The following CACNA2D2 variants were observed in gnomAD, a reference collection of about 807,000 sequenced individuals.
The protein encoded by CACNA2D2 is calcium voltage-gated channel auxiliary subunit alpha2delta 2, also known as voltage-dependent calcium channel subunit alpha-2/delta-2.
Under a neutral mutation model 166.4 loss-of-function variants are expected in CACNA2D2, and 48 were observed. The observed-to-expected ratio is 0.29, with a 90% CI of 0.23 to 0.37. The LOEUF (loss-of-function observed/expected upper bound fraction) is 0.37. CACNA2D2 is among the 10% of genes least tolerant of loss of function. The pLI is 1.00. For missense variants in CACNA2D2, 1,122 were observed against 1,433.0 expected, an observed-to-expected ratio of 0.78 and a Z score of 3.50; for synonymous variants, 561 against 573.7, an observed-to-expected ratio of 0.98 and a Z score of 0.32.
chr3:50,370,435 G>T, intron 22 of CACNA2D2, 55 bp from the exon 23 acceptor site: 1 of 791,176 alleles, frequency 1.3e-6, no homozygotes, highest in Non-Finnish European at 2.1e-6. Flanking sequence ...GGAGGCCGGG[G>T]GGCTCAGAGC....
At chr3:50,428,122 G>A (rs1358716829) in intron 3 of CACNA2D2, among the ~76,000 whole-genome samples, 2 of 152,092 alleles carry the variant, frequency 1.3e-5, no homozygotes, top group Admixed American at 1.3e-4. Context: ...GGGCAACTTT[G>A]CCCCCAGGCA....
chr3:50,434,809 G>T (rs1708235202), intron 2 of CACNA2D2, among the ~76,000 whole-genome samples: 1 of 152,246 alleles, frequency 6.6e-6, no homozygotes, highest in Non-Finnish European at 1.5e-5. Context: ...GAGGCAGGAG[G>T]TTGAGGCGAG....
intron 1 of CACNA2D2, among the ~76,000 whole-genome samples, chr3:50,497,035 C>G (rs530330575): frequency 6.6e-6 from 1 of 152,298 alleles, no homozygotes; most frequent in African/African-American, 2.4e-5. Flanking sequence ...GCCCCTCCCC[C>G]TCTGCTAAAC....
At chr3:50,495,328 A>G (rs1698679744) in intron 1 of CACNA2D2, among the ~76,000 whole-genome samples, 1 of 152,150 alleles carries the variant, frequency 6.6e-6, no homozygotes, top group South Asian at 2.1e-4. Flanking sequence ...AGCCCCTCAC[A>G]GCCACTTCCC....
At chr3:50,444,475 C>A (rs1404800219) in intron 2 of CACNA2D2, among the ~76,000 whole-genome samples, 1 of 152,230 alleles carries the variant, frequency 6.6e-6, no homozygotes, top group East Asian at 1.9e-4. Context: ...GCCATCCTGG[C>A]ATTCCTTAAA....
At chr3:50,480,143 G>T (rs1003667075) in intron 1 of CACNA2D2, among the ~76,000 whole-genome samples, 1 of 152,080 alleles carries the variant, frequency 6.6e-6, no homozygotes, top group African/African-American at 2.4e-5. Context: ...ATGGGTACAG[G>T]GTCACATACT....
chr3:50,478,612 CATT>C (rs1697904117), intron 1 of CACNA2D2, among the ~76,000 whole-genome samples: 2 of 152,330 alleles, frequency 1.3e-5, no homozygotes, highest in South Asian at 4.1e-4. Context: ...AAGAAGCAAA[CATT>C]ATCATCCCAC....
chr3:50,381,769 G>C (rs1291602740), intron 6 of CACNA2D2, among the ~76,000 whole-genome samples: 1 of 151,986 alleles, frequency 6.6e-6, no homozygotes, highest in Non-Finnish European at 1.5e-5. Flanking sequence ...TGTCTAACCT[G>C]TGTGTTTCCA....
chr3:50,497,142 C>G (rs1194054504), intron 1 of CACNA2D2, among the ~76,000 whole-genome samples: 1 of 152,192 alleles, frequency 6.6e-6, no homozygotes, highest in Non-Finnish European at 1.5e-5. Context: ...CAGGCACCCT[C>G]ACACTGGAAG....
Position 50,365,088 on chromosome 3 carries a change from C to T in CACNA2D2, c.3195G>A (p.Gln1065=), listed in dbSNP as rs1331842843. 3.7e-6 allele frequency: 6 copies of T among 1,611,500 alleles called. No individual in the cohort carries two copies. In the East Asian group the frequency reaches 1.1e-4, roughly 30 times the overall value. Reference sequence around the variant, plus strand: ...GGGGCAGGATACAGTGCGTCTCCTTCTGCAGCAGCCGGCCAGCCTCGCACT... The same window carrying T: ...GGGGCAGGATACAGTGCGTCTCCTTTTGCAGCAGCCGGCCAGCCTCGCACT... ...CSQCEAGRLL[Q]KETHSDGPEQ... The change falls in exon 36 of 38, where the codon CAG becomes CAA. Residue 1065 remains glutamine, a synonymous_variant. Coordinates refer to ENST00000424201, the MANE Select transcript of CACNA2D2 (RefSeq NM_006030.4). This position sits in a 1 kb window ranked among gnomAD's most constrained non-coding sequence, Gnocchi z 4.5.
In CACNA2D2 at chr3:50,475,436, C is replaced by A. The variant is rs895077933; in HGVS notation, c.288+682G>T. On this transcript the variant is annotated intron_variant, in intron 2 of 37. Transcript: ENST00000424201. ...CAAAGACTGCACGTACCCCGAGAGTCGTAGCTCCATCACTCCAAGAGCTCG... is the reference window on the plus strand; with the variant it reads ...CAAAGACTGCACGTACCCCGAGAGTAGTAGCTCCATCACTCCAAGAGCTCG... Among the ~76,000 whole-genome samples the A allele has an allele frequency of 2.0e-5, 3 of 152,184 alleles. No homozygotes were observed. In the East Asian group the frequency reaches 5.8e-4, roughly 29 times the overall value.
chr3:50,463,009 G>GCCTTT (rs1709661752), intron 2 of CACNA2D2, among the ~76,000 whole-genome samples: 1 of 152,152 alleles, frequency 6.6e-6, no homozygotes, highest in South Asian at 2.1e-4. Context: ...TCTGGCCTCA[G>GCCTTT]GACAGTGGCC....
Position 50,476,170 on chromosome 3 carries a change from T to C in CACNA2D2, c.236A>G (p.Gln79Arg). ...TMQHWARRLE[Q>R]EVDGVMRIFG... ...AATCCGCATCACGCCGTCGACCTCC[T>C]GCTCCAGACGCCGGGCCCAGTGCTG... Residue 79 changes from glutamine to arginine, a missense_variant, in exon 2 of 38, where the codon CAG (glutamine) becomes CGG (arginine). Transcript: ENST00000424201. 1 of 1,600,534 alleles carries C rather than the reference T, an allele frequency of 6.2e-7. No homozygotes were observed. The highest frequency in any genetic ancestry group is 8.5e-7 in the Non-Finnish European group (1 of 1,174,384).
chr3:50,434,408 G>C lies in CACNA2D2; in HGVS notation c.310C>G (p.Leu104Val), dbSNP rs1353550346. The change falls in exon 3 of 38, where the codon CTG becomes GTG. Residue 104 changes from leucine to valine, a missense_variant. Physicochemically the swap from Leu to Val is conservative, Grantham distance 32. Transcript: ENST00000424201. ...GGCTCATTCTCCTGTACCTCGAACA[G>C]GTTCCGGTTGTCCTTGTAAATCTGG... ...LREIYKDNRN[L>V]FEVQENEPQK... The C allele has an allele frequency of 3.1e-6, 5 of 1,614,162 alleles. No homozygotes were observed. Among genetic ancestry groups the C allele is most frequent in the African/African-American group, 1.3e-5 (1 of 75,066 alleles).
At chr3:50,446,809 G>A (rs1481331084) in intron 2 of CACNA2D2, among the ~76,000 whole-genome samples, 4 of 152,208 alleles carry the variant, frequency 2.6e-5, no homozygotes, top group Non-Finnish European at 5.9e-5. Context: ...TGCAGGGGGA[G>A]GGAGAGCCAA....
intron 2 of CACNA2D2, among the ~76,000 whole-genome samples, chr3:50,465,589 G>A (rs1022533757): frequency 3.3e-5 from 5 of 152,190 alleles, no homozygotes; most frequent in Non-Finnish European, 7.3e-5. Flanking sequence ...CATGAAACAC[G>A]GGCAGCTGCA....
Position 50,427,015 on chromosome 3 carries a change from G to A in CACNA2D2, c.405+7298C>T, listed in dbSNP as rs936513452. Among the ~76,000 whole-genome samples, 3 of 152,202 alleles carry A rather than the reference G, an allele frequency of 2.0e-5. No homozygotes were observed. Among genetic ancestry groups the A allele is most frequent in the Non-Finnish European group, 2.9e-5 (2 of 68,030 alleles). ...TTCTCGACTGCCAGACAGAGATGCA[G>A]GCAGGGGAGGCCGTCCCCACACTCA... On this transcript the variant is annotated intron_variant, in intron 3 of 37. Coordinates refer to ENST00000424201, the MANE Select transcript of CACNA2D2 (RefSeq NM_006030.4). The surrounding 1 kb of genome is among the most constrained non-coding windows in gnomAD (Gnocchi z 4.7).
At chr3:50,482,709 G>T (rs987082224) in intron 1 of CACNA2D2, among the ~76,000 whole-genome samples, 2 of 152,178 alleles carry the variant, frequency 1.3e-5, no homozygotes, top group African/African-American at 2.4e-5. Flanking sequence ...GCCTCCAGGT[G>T]GGCTGCAGCC....
chr3:50,364,335 C>A lies in CACNA2D2; in HGVS notation c.*331G>T. On this transcript the variant is annotated 3_prime_UTR_variant, in exon 38 of 38. Coordinates refer to ENST00000424201, the MANE Select transcript of CACNA2D2 (RefSeq NM_006030.4). ...CAGGGTCCCCCCCAACATAGGCAGC[C>A]TCCAGGAAGGGCGGCAGCAGAGGCC... 3.0e-6 allele frequency: 1 copy of A among 329,786 alleles called. No homozygotes were observed. Among genetic ancestry groups the A allele is most frequent in the Middle Eastern group, 8.0e-4 (1 of 1,244 alleles). 20.4% of individuals were successfully genotyped at this position (329,786 alleles called of 1,614,324 possible).
Sources: gnomAD v4.1 joint callset for allele counts (sites outside exome capture counted in the v4.1 genomes callset) on GRCh38, gnomAD v4.1.1 for gene constraint, Gnocchi (gnomAD v3.1) non-coding constraint, MANE v1.5 for transcripts, NCBI Gene and HGNC (gene_info 2026-07-23, HGNC 2026-07-21) for gene names.